The following CNOT6 variants were observed in gnomAD, a reference collection of about 807,000 sequenced individuals.
CNOT6 encodes the protein CCR4-NOT transcription complex subunit 6.
Under a neutral mutation model 61.2 loss-of-function variants are expected in CNOT6, and 12 were observed. The ratio of observed to expected loss-of-function variants is 0.20; its 90% confidence interval spans 0.13 to 0.32. CNOT6 has a LOEUF of 0.32. Ranked by LOEUF, CNOT6 falls within the 10% of genes least tolerant of loss-of-function variation. CNOT6 has a pLI of 1.00. For synonymous variants in CNOT6, 225 were observed against 240.6 expected (o/e 0.94, Z 0.60); for missense variants, 405 against 663.9 (o/e 0.61, Z 4.28).
At chr5:180,538,637 A>G (rs62405532) in intron 2 of CNOT6, among the ~76,000 whole-genome samples, 37,555 of 147,002 alleles carry the variant, frequency 0.26, 5,813 homozygotes, top group Middle Eastern at 0.42. Flanking sequence ...GCAGTAAGCC[A>G]AGATTACACC....
At chr5:180,536,984 C>G (rs1431759572) in intron 2 of CNOT6, among the ~76,000 whole-genome samples, 7 of 152,162 alleles carry the variant, frequency 4.6e-5, no homozygotes, top group Admixed American at 4.6e-4. Context: ...CTTGATAGCT[C>G]ATTCTTTTTT....
chr5:180,517,420 T>C (rs1019479670), intron 1 of CNOT6, among the ~76,000 whole-genome samples: 1 of 152,018 alleles, frequency 6.6e-6, no homozygotes, highest in African/African-American at 2.4e-5. Context: ...TGAGCCACTG[T>C]ACCCGGCCGT....
rs772687968 is a variant in CNOT6, at chr5:180,574,205, G to C, written c.*5G>C. The C allele has an allele frequency of 6.8e-6, 11 of 1,610,192 alleles. No individual in the cohort carries two copies. The South Asian group carries it at 1.2e-4, about 18-fold the overall frequency. On this transcript the variant is annotated 3_prime_UTR_variant, in exon 12 of 12. Transcript: ENST00000261951. ...CACCTTCCTGGCAGGAGGTAGTCAA[G>C]CACCTTCAGAGGACAGCCTTGATTC...
intron 1 of CNOT6, among the ~76,000 whole-genome samples, chr5:180,500,575 C>G (rs565591602): frequency 6.6e-6 from 1 of 152,222 alleles, no homozygotes; most frequent in East Asian, 1.9e-4. Flanking sequence ...GCTGGGACTA[C>G]AGGCACCTGC....
intron 4 of CNOT6, among the ~76,000 whole-genome samples, chr5:180,560,428 A>C (rs1027270156): frequency 6.6e-6 from 1 of 151,908 alleles, no homozygotes; most frequent in African/African-American, 2.4e-5. Context: ...AGATTCTGTT[A>C]GTTTTTTGTC....
chr5:180,530,219 A>T (rs1758288517), intron 2 of CNOT6, among the ~76,000 whole-genome samples: 1 of 152,230 alleles, frequency 6.6e-6, no homozygotes, highest in South Asian at 2.1e-4. Flanking sequence ...TAAAAATTTA[A>T]TGCAGCAGAC....
chr5:180,517,607 G>A (rs1168551513), intron 1 of CNOT6, among the ~76,000 whole-genome samples: 1 of 151,420 alleles, frequency 6.6e-6, no homozygotes, highest in African/African-American at 2.4e-5. Flanking sequence ...GCAGTGGCGC[G>A]ATCTTGGCTC....
At chr5:180,557,556 T>C (rs1759960641) in intron 4 of CNOT6, among the ~76,000 whole-genome samples, 1 of 152,240 alleles carries the variant, frequency 6.6e-6, no homozygotes, top group Non-Finnish European at 1.5e-5. Context: ...TCATTGTCCA[T>C]GTTCTAATTA....
intron 3 of CNOT6, among the ~76,000 whole-genome samples, 190 bp from the exon 4 acceptor site, chr5:180,553,196 G>C (rs1244848783): frequency 6.7e-6 from 1 of 149,802 alleles, no homozygotes; most frequent in Non-Finnish European, 1.5e-5. Flanking sequence ...CTAGTAATTT[G>C]TTTCTTGTAT....
chr5:180,538,701 T>C lies in CNOT6; in HGVS notation c.112+9313T>C, dbSNP rs964169921. 4.4e-5 allele frequency among the ~76,000 whole-genome samples: 6 copies of C among 137,862 alleles called. No homozygotes were observed. In the Middle Eastern group the frequency reaches 0.011, roughly 252 times the overall value. The allele number at this position is 137,862 out of a possible 152,430, so 90.4% of individuals were successfully genotyped here. On this transcript the variant is annotated intron_variant, in intron 2 of 11. Coordinates refer to ENST00000261951, the MANE Select transcript of CNOT6 (RefSeq NM_001370472.1). Reference sequence around the variant, plus strand: ...TGAGAAAAAGGTATATATATATATATATATATATATATATACAAAAAAATT... The same window carrying C: ...TGAGAAAAAGGTATATATATATATACATATATATATATATACAAAAAAATT...
Position 180,577,902 on chromosome 5 carries a change from G to A in CNOT6, c.*3702G>A, listed in dbSNP as rs1012533738. 1 of 152,580 alleles carries A rather than the reference G, an allele frequency of 6.6e-6. No individual in the cohort carries two copies. Among genetic ancestry groups the A allele is most frequent in the Non-Finnish European group, 1.5e-5 (1 of 68,036 alleles). The allele number at this position is 152,580 out of a possible 1,614,324, so 9.5% of individuals were successfully genotyped here. On this transcript the variant is annotated 3_prime_UTR_variant, in exon 12 of 12. Coordinates refer to ENST00000261951, the MANE Select transcript of CNOT6 (RefSeq NM_001370472.1). ...TTAGCTAGCATTATATTTATATACA[G>A]GGTCTTTTTTCTTTACCGATGTATT...
intron 4 of CNOT6, 102 bp from the exon 5 acceptor site, chr5:180,564,387 C>G (rs550651202): frequency 3.9e-6 from 3 of 770,914 alleles, no homozygotes; most frequent in East Asian, 5.3e-5. Context: ...TTACTAGTAA[C>G]TATAACATAG....
rs543500337 is a variant in CNOT6, at chr5:180,549,600, GATCACGCCACT to G, written c.113-330_113-320del. Among the ~76,000 whole-genome samples, 22 of 151,800 alleles carry G rather than the reference GATCACGCCACT, an allele frequency of 1.4e-4. No individual in the cohort carries two copies. In the East Asian group the frequency reaches 2.7e-3, roughly 19 times the overall value. On this transcript the variant is annotated intron_variant, in intron 2 of 11. Transcript: ENST00000261951. ...GGAGGCGGAGCTTGCAGTGAGCCCAGATCACGCCACTGCACTCCAGCCTGGGCAACAGAGCG... is the reference window on the plus strand; with the variant it reads ...GGAGGCGGAGCTTGCAGTGAGCCCAGGCACTCCAGCCTGGGCAACAGAGCG...
chr5:180,513,443 T>C (rs1757489411), intron 1 of CNOT6, among the ~76,000 whole-genome samples: 1 of 152,124 alleles, frequency 6.6e-6, no homozygotes, highest in Admixed American at 6.5e-5. Context: ...TCTCACTCAT[T>C]GCAACCTCCG....
intron 1 of CNOT6, among the ~76,000 whole-genome samples, chr5:180,513,953 C>T (rs987832134): frequency 2.2e-4 from 34 of 151,918 alleles, no homozygotes; most frequent in African/African-American, 2.2e-4. Flanking sequence ...CTGCCCTCCT[C>T]GGCCTCCCAA....
intron 1 of CNOT6, among the ~76,000 whole-genome samples, chr5:180,503,089 C>T (rs369983992): frequency 1.3e-5 from 2 of 152,084 alleles, no homozygotes; most frequent in South Asian, 2.1e-4. Flanking sequence ...TATTGAATGC[C>T]GGTGGTGCAG....
intron 7 of CNOT6, 123 bp from the exon 8 acceptor site, chr5:180,566,965 T>TAC (rs1760498012): frequency 5.2e-6 from 5 of 959,540 alleles, no homozygotes; most frequent in Admixed American, 2.8e-5. Flanking sequence ...GGAAAGATGT[T>TAC]ACATTCTTTA....
chr5:180,498,043 C>CAA (rs113013152), intron 1 of CNOT6, among the ~76,000 whole-genome samples: 1 of 91,908 alleles, frequency 1.1e-5, no homozygotes, highest in Non-Finnish European at 2.3e-5. Flanking sequence ...AACTCCATCT[C>CAA]AAAAAAAAAA....
At chr5:180,557,617 G>A (rs945179168) in intron 4 of CNOT6, among the ~76,000 whole-genome samples, 1 of 152,084 alleles carries the variant, frequency 6.6e-6, no homozygotes, top group Non-Finnish European at 1.5e-5. Context: ...GGTACGAGTC[G>A]TTGGTGGAAT....
Sources: gnomAD v4.1 joint callset for allele counts (sites outside exome capture counted in the v4.1 genomes callset) on GRCh38, gnomAD v4.1.1 for gene constraint, MANE v1.5 for transcripts, NCBI Gene and HGNC (gene_info 2026-07-23, HGNC 2026-07-21) for gene names.